The following ANKRD30B variants were observed in gnomAD, a reference collection of about 807,000 sequenced individuals.
The protein encoded by ANKRD30B is ankyrin repeat domain 30B, also known as ankyrin repeat domain-containing protein 30B.
Under a neutral mutation model 202.2 loss-of-function variants are expected in ANKRD30B, and 144 were observed. The observed-to-expected ratio is 0.71, with a 90% CI of 0.62 to 0.82. The LOEUF (loss-of-function observed/expected upper bound fraction) is 0.82. ANKRD30B is among the 40% of genes least tolerant of loss of function. The pLI, the probability that ANKRD30B is intolerant of heterozygous loss-of-function variation, is 0.00. For synonymous variants in ANKRD30B, 508 were observed against 561.3 expected (o/e 0.91, Z 1.34); for missense variants, 1,487 against 1,669.1 (o/e 0.89, Z 1.90).
chr18:14,832,773 T>G (rs1394037269), intron 34 of ANKRD30B, among the ~76,000 whole-genome samples: 1 of 152,196 alleles, frequency 6.6e-6, no homozygotes, highest in African/African-American at 2.4e-5. Context: ...ATGCATAAAT[T>G]AATGTGCGTT....
chr18:14,769,457 T>C, intron 8 of ANKRD30B, 84 bp downstream of exon 8: 1 of 1,094,448 alleles, frequency 9.1e-7, no homozygotes, highest in Non-Finnish European at 1.3e-6. Flanking sequence ...AGTATTCTAC[T>C]CTGGGCTAGA....
At chr18:14,851,009 C>A (rs1971861763) in intron 41 of ANKRD30B, among the ~76,000 whole-genome samples, 2 of 151,928 alleles carry the variant, frequency 1.3e-5, no homozygotes, top group South Asian at 4.1e-4. Flanking sequence ...ATAATTCTTA[C>A]AATTAACTAT....
chr18:14,939,142 G>C, the ANKRD30B span, among the ~76,000 whole-genome samples: 1 of 152,330 alleles, frequency 6.6e-6, no homozygotes. Context: ...TTGGTTCTGT[G>C]CTTTGCCCAA....
chr18:14,916,173 C>T, the ANKRD30B span, among the ~76,000 whole-genome samples: 2 of 152,220 alleles, frequency 1.3e-5, no homozygotes, highest in East Asian at 3.9e-4. Context: ...TTGTAAAGTG[C>T]CTAAAGGGGG....
At position 14,773,460 on chromosome 18, in the gene ANKRD30B, T is replaced by A. The variant is rs563331724; in HGVS notation, c.1329+1232T>A. 1.5e-3 allele frequency among the ~76,000 whole-genome samples: 229 copies of A among 152,310 alleles called. 1 individual carries two copies. The highest frequency in any genetic ancestry group is 0.014 in the Middle Eastern group (4 of 294). On this transcript the variant is annotated intron_variant, in intron 9 of 43. Transcript: ENST00000690538. Reference sequence around the variant, plus strand: ...ATAATATGCATGATATATCTTATAATTAAATCTAATGCATTTCAAAAATAT... The same window carrying A: ...ATAATATGCATGATATATCTTATAAATAAATCTAATGCATTTCAAAAATAT...
chr18:14,817,812 C>A (rs1269661802), intron 30 of ANKRD30B, among the ~76,000 whole-genome samples: 1 of 152,142 alleles, frequency 6.6e-6, no homozygotes, highest in Non-Finnish European at 1.5e-5. Flanking sequence ...GAATGACCTT[C>A]TCATCATAAT....
intron 30 of ANKRD30B, among the ~76,000 whole-genome samples, chr18:14,820,799 A>G (rs1424148730): frequency 2.0e-5 from 3 of 152,168 alleles, no homozygotes; most frequent in Non-Finnish European, 4.4e-5. Context: ...ATCAATGTTC[A>G]TCAAGGATAT....
rs1404101398 is a variant in ANKRD30B at position 14,848,892 on chromosome 18, C to A, written c.3358C>A (p.Gln1120Lys). The change falls in exon 40 of 44, where the codon CAA becomes AAA. Residue 1120 changes from glutamine (Q) to lysine (K), a missense_variant. Physicochemically the swap from Gln to Lys is moderately conservative, Grantham distance 53. Around this residue, in one of 6 missense-constraint regions of ANKRD30B, gnomAD observed 177 missense variants for 216.4 expected, o/e 0.82. Transcript: ENST00000690538. ...AGAAATAAAATCACAGTTAGAGAAC[C>A]AAAAAGCTAAATGGGAACAAGAGCT... ...AKEIKSQLEN[Q>K]KAKWEQELCS... 2.5e-6 allele frequency: 4 copies of A among 1,596,936 alleles called. No individual in the cohort carries two copies. Among genetic ancestry groups the A allele is most frequent in the East Asian group, 2.3e-5 (1 of 44,318 alleles).
intron 7 of ANKRD30B, 144 bp from the exon 8 acceptor site, chr18:14,769,199 G>A (rs560061769): frequency 3.6e-6 from 2 of 549,376 alleles, no homozygotes; most frequent in Admixed American, 3.4e-5. Context: ...AGACTCCTGG[G>A]CTCCTCAGGC....
chr18:14,878,987 C>T, the ANKRD30B span, among the ~76,000 whole-genome samples: 1,473 of 152,272 alleles, frequency 9.7e-3, 17 homozygotes, highest in African/African-American at 0.033. Context: ...AAAGGCAGAG[C>T]AGTGTTCTCC....
intron 24 of ANKRD30B, among the ~76,000 whole-genome samples, chr18:14,805,067 A>G: frequency 6.9e-6 from 1 of 145,396 alleles, no homozygotes; most frequent in East Asian, 1.9e-4. Context: ...GGCATCAAAT[A>G]TATATATATA....
chr18:14,749,287 C>T (rs1913018182), intron 1 of ANKRD30B, among the ~76,000 whole-genome samples: 1 of 152,174 alleles, frequency 6.6e-6, no homozygotes, highest in African/African-American at 2.4e-5. Flanking sequence ...TTTTAAATTA[C>T]ACAGGCTTTT....
At chr18:14,778,211 T>C (rs138005392) in intron 10 of ANKRD30B, 136 bp downstream of exon 10, 4 of 639,082 alleles carry the variant, frequency 6.3e-6, no homozygotes, top group Non-Finnish European at 1.1e-5. Context: ...GTGAAAGTTA[T>C]GTGTCTTCTC....
chr18:14,848,743 A>G lies in ANKRD30B; in HGVS notation c.3209A>G (p.Asp1070Gly). Residue 1070 changes from aspartate to glycine, a missense_variant, in exon 40 of 44, where the codon GAT becomes GGT. Coordinates refer to ENST00000690538, the MANE Select transcript of ANKRD30B (RefSeq NM_001367607.2). ...TCAACTACCCTATCAAAAATCTTGG[A>G]TGCACTTCCTTCTTGTGAAAGAGGA... ...ADSTTLSKILDALPSCERGRE... is the reference protein window; with the variant it reads ...ADSTTLSKILGALPSCERGRE... 2 of 1,558,268 alleles carry G rather than the reference A, an allele frequency of 1.3e-6. No homozygotes were observed. Among genetic ancestry groups the G allele is most frequent in the Middle Eastern group, 1.7e-4 (1 of 5,906 alleles).
chr18:14,871,115 T>C, the ANKRD30B span, among the ~76,000 whole-genome samples: 7,548 of 10,824 alleles, frequency 0.7, 2,364 homozygotes, highest in Non-Finnish European at 0.72. Context: ...ACCCACACAC[T>C]CTCACCCACA....
At chr18:14,811,139 A>C (rs1419738295) in intron 28 of ANKRD30B, among the ~76,000 whole-genome samples, 4 of 151,442 alleles carry the variant, frequency 2.6e-5, no homozygotes, top group African/African-American at 9.7e-5. Flanking sequence ...ATAAATTCAC[A>C]ACATATGTGT....
intron 20 of ANKRD30B, 128 bp downstream of exon 20, chr18:14,797,982 C>G: frequency 1.1e-6 from 1 of 945,168 alleles, no homozygotes; most frequent in South Asian, 1.8e-5. Flanking sequence ...ACAAATAATG[C>G]CAATGTTAGT....
the ANKRD30B span, among the ~76,000 whole-genome samples, chr18:14,880,133 A>T: frequency 6.6e-6 from 1 of 152,024 alleles, no homozygotes; most frequent in Non-Finnish European, 1.5e-5. Flanking sequence ...TGTGTTGAAA[A>T]GGGTGTCCTT....
chr18:14,936,422 C>T, the ANKRD30B span, among the ~76,000 whole-genome samples: 24 of 152,224 alleles, frequency 1.6e-4, no homozygotes, highest in Admixed American at 3.9e-4. Context: ...CCTCCACAAA[C>T]GCATCCTAAG....
Sources: gnomAD v4.1 joint callset for allele counts (sites outside exome capture counted in the v4.1 genomes callset) on GRCh38, gnomAD v4.1.1 for gene constraint, gnomAD v4.1.1 regional missense constraint, MANE v1.5 for transcripts, NCBI Gene and HGNC (gene_info 2026-07-23, HGNC 2026-07-21) for gene names.